TTLL10: variants seen among roughly 807,000 people sequenced by gnomAD.
TTLL10 encodes the protein inactive polyglycylase TTLL10.
TTLL10 carries 61 observed loss-of-function variants against 69.0 expected under a neutral mutation model. The observed-to-expected ratio is 0.88, with a 90% CI of 0.72 to 1.09. TTLL10 has a LOEUF of 1.09. Among genes scored for constraint, TTLL10 ranks in the 50% least tolerant of loss-of-function variants. TTLL10 has a pLI of 0.00. For synonymous variants in TTLL10, 408 were observed against 393.3 expected, an observed-to-expected ratio of 1.04 and a Z score of -0.44; for missense variants, 962 against 945.9, an observed-to-expected ratio of 1.02 and a Z score of -0.22.
At chr1:1,187,671 G>C (rs1647445223) in intron 13 of TTLL10, among the ~76,000 whole-genome samples, 1 of 151,428 alleles carries the variant, frequency 6.6e-6, no homozygotes. Flanking sequence ...TTGGGAGGCT[G>C]AGGAAGGTGG....
chr1:1,189,302 T>C (rs1647571232), intron 13 of TTLL10, among the ~76,000 whole-genome samples: 2 of 152,212 alleles, frequency 1.3e-5, no homozygotes, highest in African/African-American at 2.4e-5. Flanking sequence ...TGGTTAAGTG[T>C]TTTTTGTTAA....
rs1456331239 is a variant in TTLL10 at position 1,182,922 on chromosome 1, A to G, written c.963A>G (p.Lys321=). Residue 321 remains lysine (K), a synonymous_variant, in exon 11 of 16, where the codon AAA becomes AAG. Transcript: ENST00000379289. ...AGCCCACAGCCTCCAACCAGGGCAA[A>G]GGCATCTTCCTGCTCCGGAACCAGG... is the stretch of plus-strand genomic sequence containing the variant. ...ICKPTASNQG[K]GIFLLRNQEE... is the part of the protein sequence containing the mutation. 1 of 1,597,644 alleles carries G rather than the reference A, an allele frequency of 6.3e-7. No individual in the cohort carries two copies. Among genetic ancestry groups the G allele is most frequent in the Admixed American group, 1.7e-5 (1 of 58,198 alleles).
At position 1,181,249 on chromosome 1, in the gene TTLL10, T is replaced by C. The variant is rs1318540062; in HGVS notation, c.755+389T>C. 1.3e-5 allele frequency among the ~76,000 whole-genome samples: 2 copies of C among 151,552 alleles called. No homozygotes were observed. Among genetic ancestry groups the C allele is most frequent in the Admixed American group, 6.6e-5 (1 of 15,248 alleles). On this transcript the variant is annotated intron_variant, in intron 8 of 15. Transcript: ENST00000379289. The surrounding 1 kb of genome is among the most constrained non-coding windows in gnomAD (Gnocchi z 4.6). ...CAGACCCACCCAGGTACAACCCACCTGTCAATCTGCCTTCACCCCAAACAT... is the reference window on the plus strand; with the variant it reads ...CAGACCCACCCAGGTACAACCCACCCGTCAATCTGCCTTCACCCCAAACAT...
chr1:1,182,777 C>G, intron 10 of TTLL10, 99 bp from the exon 11 acceptor site: 1 of 1,440,188 alleles, frequency 6.9e-7, no homozygotes, highest in Middle Eastern at 2.0e-4. Flanking sequence ...ATGGCCGGGC[C>G]GAGGGTCGCA....
Position 1,185,663 on chromosome 1 carries a change from G to A in TTLL10, c.1401+554G>A. The A allele has an allele frequency of 1.0e-6, 1 of 985,624 alleles. No individual in the cohort carries two copies. Among genetic ancestry groups the A allele is most frequent in the South Asian group, 4.7e-5 (1 of 21,308 alleles). The allele number at this position is 985,624 out of a possible 1,614,324, so 61.1% of individuals were successfully genotyped here. A position where few individuals can be genotyped will look rare whatever the true frequency, so the allele number is the denominator to read the frequency against. ...TGAAACTGGGATAAAAACGGGGCTT[G>A]GCCGAAGGACTTTTATCTGTCTTGG... On this transcript the variant is annotated intron_variant, in intron 13 of 15. Transcript: ENST00000379289. The surrounding 1 kb of genome is among the most constrained non-coding windows in gnomAD (Gnocchi z 6.1).
intron 12 of TTLL10, 145 bp downstream of exon 12, chr1:1,184,236 G>A (rs1647179752): frequency 8.3e-7 from 1 of 1,205,112 alleles, no homozygotes; most frequent in Non-Finnish European, 1.2e-6. Flanking sequence ...GAAGTAGCCT[G>A]GGCTGCCCCC....
At chr1:1,184,855 C>T (rs111639603) in intron 12 of TTLL10, 114 bp from the exon 13 acceptor site, 2,934 of 207,882 alleles carry the variant, frequency 0.014, 9 homozygotes, top group Non-Finnish European at 0.02. Context: ...CACCGTGTGC[C>T]CCCAGTTCAT....
At chr1:1,177,588 G>T (rs2100848647) in intron 3 of TTLL10, among the ~76,000 whole-genome samples, 2 of 152,356 alleles carry the variant, frequency 1.3e-5, no homozygotes, top group South Asian at 4.1e-4. Context: ...TGGGATTACA[G>T]GCGTGAGCCT....
In TTLL10 at chr1:1,185,174, T is replaced by C; in HGVS notation, c.1401+65T>C. 6.3e-7 allele frequency: 1 copy of C among 1,582,538 alleles called. No homozygotes were observed. The highest frequency in any genetic ancestry group is 8.6e-7 in the Non-Finnish European group (1 of 1,162,408). On this transcript the variant is annotated intron_variant, in intron 13 of 15. Transcript: ENST00000379289. The surrounding 1 kb of genome is among the most constrained non-coding windows in gnomAD (Gnocchi z 6.1). ...TCGGGGCGGGGGTGTGTGGTCAGGC[T>C]GGGCACCAGGCACACAGATGTCCGT...
intron 15 of TTLL10, 84 bp downstream of exon 15, chr1:1,197,270 C>T: frequency 7.2e-7 from 1 of 1,390,792 alleles, no homozygotes; most frequent in Admixed American, 2.0e-5. Flanking sequence ...GTTCAGACCC[C>T]CACAGATGGG....
intron 3 of TTLL10, among the ~76,000 whole-genome samples, chr1:1,176,964 G>A (rs942229229): frequency 2.0e-5 from 3 of 152,166 alleles, no homozygotes; most frequent in Non-Finnish European, 2.9e-5. Flanking sequence ...TTGTTTCCCT[G>A]TTTCTCCCCT....
At chr1:1,182,139 G>C (rs536438540) in intron 9 of TTLL10, among the ~76,000 whole-genome samples, 1 of 152,352 alleles carries the variant, frequency 6.6e-6, no homozygotes, top group Admixed American at 6.5e-5. Context: ...GAGGGGCCCG[G>C]GTGGGGGTCA....
intron 14 of TTLL10, 53 bp downstream of exon 14, chr1:1,196,769 C>A: frequency 7.9e-7 from 1 of 1,262,578 alleles, no homozygotes; most frequent in Non-Finnish European, 1.1e-6. Context: ...GAGGCAGGGG[C>A]CATCTGTACA....
chr1:1,197,086 G>A lies in TTLL10; in HGVS notation c.1519-7G>A, dbSNP rs1389819186. ...GGTGAGGAGGGACTGACTGGCGTCTGGGGCAGGTATGGCTGCTGGAGATGA... is the reference window on the plus strand; with the variant it reads ...GGTGAGGAGGGACTGACTGGCGTCTAGGGCAGGTATGGCTGCTGGAGATGA... On this transcript the variant is annotated splice_polypyrimidine_tract_variant and splice_region_variant and intron_variant, in intron 14 of 15. Transcript: ENST00000379289. 3.9e-6 allele frequency: 6 copies of A among 1,551,088 alleles called. No individual in the cohort carries two copies. Among genetic ancestry groups the A allele is most frequent in the Non-Finnish European group, 5.2e-6 (6 of 1,146,712 alleles).
At position 1,185,184 on chromosome 1, in the gene TTLL10, G is replaced by C; in HGVS notation, c.1401+75G>C. The C allele has an allele frequency of 6.4e-7, 1 of 1,572,942 alleles. No individual in the cohort carries two copies. Among genetic ancestry groups the C allele is most frequent in the African/African-American group, 1.4e-5 (1 of 73,172 alleles). ...GGTGTGTGGTCAGGCTGGGCACCAG[G>C]CACACAGATGTCCGTGGCGTGCGTG... On this transcript the variant is annotated intron_variant, in intron 13 of 15. Transcript: ENST00000379289. The surrounding 1 kb of genome is among the most constrained non-coding windows in gnomAD (Gnocchi z 6.1).
chr1:1,180,533 G>T lies in TTLL10; in HGVS notation c.557G>T (p.Arg186Leu), dbSNP rs1442215180. The change falls in exon 7 of 16, where the codon CGC (arginine) becomes CTC (leucine). Residue 186 changes from arginine (R) to leucine (L), a missense_variant. Transcript: ENST00000379289. The part of the protein sequence containing the change: ...SKGWQRIHDS[R>L]RDDYTLKWCE... ...GGCTGGCAGCGCATCCATGACAGCC[G>T]CCGGGACGACTACACGCTGAAGTGG... is the stretch of plus-strand genomic sequence containing the variant. The T allele has an allele frequency of 1.3e-6, 2 of 1,547,564 alleles. No homozygotes were observed. Among genetic ancestry groups the T allele is most frequent in the Non-Finnish European group, 8.7e-7 (1 of 1,145,584 alleles).
intron 9 of TTLL10, 69 bp from the exon 10 acceptor site, chr1:1,182,292 G>A (rs1194408103): frequency 2.8e-6 from 4 of 1,407,040 alleles, no homozygotes; most frequent in Non-Finnish European, 3.0e-6. Flanking sequence ...CACAGGCTGG[G>A]CCTCAAACCG....
In TTLL10 at chr1:1,184,103, A is replaced by C; in HGVS notation, c.1260+12A>C. 1 of 1,614,114 alleles carries C rather than the reference A, an allele frequency of 6.2e-7. No homozygotes were observed. Among genetic ancestry groups the C allele is most frequent in the Non-Finnish European group, 8.5e-7 (1 of 1,179,988 alleles). The stretch of plus-strand genomic sequence containing the variant: ...ACTTGACCAACCAGGTGAGTCTGCC[A>C]TGGGTGAGGGCCCTCCCTGCAGCCT... On this transcript the variant is annotated intron_variant, in intron 12 of 15. Coordinates refer to ENST00000379289, the MANE Select transcript of TTLL10 (RefSeq NM_001130045.2).
At chr1:1,187,007 C>T (rs989690000) in intron 13 of TTLL10, among the ~76,000 whole-genome samples, 2 of 137,528 alleles carry the variant, frequency 1.5e-5, no homozygotes, top group African/African-American at 5.0e-5. Context: ...CCACCACGCC[C>T]GGCTAATTCT....
Sources: gnomAD v4.1 joint callset for allele counts (sites outside exome capture counted in the v4.1 genomes callset) on GRCh38, gnomAD v4.1.1 for gene constraint, Gnocchi (gnomAD v3.1) non-coding constraint, MANE v1.5 for transcripts, NCBI Gene and HGNC (gene_info 2026-07-23, HGNC 2026-07-21) for gene names.